ROBO1: variants seen among roughly 807,000 people sequenced by gnomAD.
The protein encoded by ROBO1 is roundabout homolog 1.
In ROBO1, 149 loss-of-function variants were observed where a neutral mutation model predicts 195.9. The ratio of observed to expected loss-of-function variants is 0.76; its 90% CI spans 0.67 to 0.87. The LOEUF (loss-of-function observed/expected upper bound fraction) is 0.87, where lower values mean the gene tolerates loss of function less well. Among genes scored for constraint, ROBO1 ranks in the 40% least tolerant of loss-of-function variants. The pLI is 0.00. For missense variants in ROBO1, 1,933 were observed against 2,068.3 expected (o/e 0.93, Z 1.27); for synonymous variants, 816 against 733.2 (o/e 1.11, Z -1.82).
chr3:78,767,700 G>A (rs1406693585), intron 4 of ROBO1, among the ~76,000 whole-genome samples: 1 of 152,094 alleles, frequency 6.6e-6, no homozygotes, highest in Non-Finnish European at 1.5e-5. Flanking sequence ...AGGTTTTCTA[G>A]TTTATGTGTG....
intron 4 of ROBO1, among the ~76,000 whole-genome samples, chr3:78,782,060 T>C (rs1390339443): frequency 6.6e-6 from 1 of 152,182 alleles, no homozygotes; most frequent in Non-Finnish European, 1.5e-5. Context: ...CAAGTAATTA[T>C]TCTACTGTAG....
At chr3:79,510,011 AAACC>A (rs541793004) in intron 2 of ROBO1, among the ~76,000 whole-genome samples, 24 of 152,104 alleles carry the variant, frequency 1.6e-4, no homozygotes, top group Non-Finnish European at 3.2e-4. Context: ...CACAAAAAAA[AAACC>A]AACCATTCAT....
At chr3:78,696,881 T>C (rs2081309563) in intron 8 of ROBO1, among the ~76,000 whole-genome samples, 1 of 151,912 alleles carries the variant, frequency 6.6e-6, no homozygotes, top group Admixed American at 6.6e-5. Flanking sequence ...TTGAAAAATT[T>C]ATTTTTGCAA....
At chr3:78,724,127 T>A (rs1280707710) in intron 5 of ROBO1, among the ~76,000 whole-genome samples, 2 of 151,962 alleles carry the variant, frequency 1.3e-5, no homozygotes, top group African/African-American at 4.8e-5. Context: ...AACCACAAAG[T>A]AGGGCAAATG....
intron 2 of ROBO1, among the ~76,000 whole-genome samples, chr3:79,271,731 C>T (rs2030576672): frequency 6.6e-6 from 1 of 151,846 alleles, no homozygotes; most frequent in Non-Finnish European, 1.5e-5. Flanking sequence ...TTTTACTATT[C>T]TCCCACTTTC....
At position 79,589,898 on chromosome 3, in the gene ROBO1, T is replaced by C; in HGVS notation, c.14A>G (p.His5Arg). 2 of 1,610,388 alleles carry C rather than the reference T, an allele frequency of 1.2e-6. No homozygotes were observed. Among genetic ancestry groups the C allele is most frequent in the Non-Finnish European group, 1.7e-6 (2 of 1,177,370 alleles). MKWK[H>R]VPFLVMISLL... ...TGATATCATGACCAAAAAAGGAACA[T>C]GTTTCCATTTCATCTTTGTCCCTTC... Residue 5 changes from histidine to arginine, a missense_variant, in exon 2 of 31, where the codon CAT (histidine) becomes CGT (arginine). Coordinates refer to ENST00000464233, the MANE Select transcript of ROBO1 (RefSeq NM_002941.4).
chr3:78,598,816 T>C lies in ROBO1; in HGVS notation c.*97A>G, dbSNP rs1010867050. 5.5e-6 allele frequency: 4 copies of C among 729,574 alleles called. No homozygotes were observed. The highest frequency in any genetic ancestry group is 5.3e-5 in the East Asian group (2 of 37,766). 45.2% of individuals were successfully genotyped at this position (729,574 alleles called of 1,614,324 possible). Reference sequence around the variant, plus strand: ...AAAAACGACAATTTGTACACTCTGATTGCACTGAACATTTTATCTGGCGTC... The same window carrying C: ...AAAAACGACAATTTGTACACTCTGACTGCACTGAACATTTTATCTGGCGTC... On this transcript the variant is annotated 3_prime_UTR_variant, in exon 31 of 31. Transcript: ENST00000464233.
chr3:79,101,857 A>C (rs1258305041), intron 3 of ROBO1, among the ~76,000 whole-genome samples: 1 of 151,936 alleles, frequency 6.6e-6, no homozygotes, highest in Non-Finnish European at 1.5e-5. Context: ...GATGGGATTT[A>C]ATTTTAAAGC....
chr3:78,839,631 T>C (rs1394491060), intron 4 of ROBO1, among the ~76,000 whole-genome samples: 1 of 152,166 alleles, frequency 6.6e-6, no homozygotes, highest in Non-Finnish European at 1.5e-5. Flanking sequence ...AACAAATCCA[T>C]GTTCATCCTA....
chr3:79,575,204 A>G (rs1258234215), intron 2 of ROBO1, among the ~76,000 whole-genome samples: 2 of 123,700 alleles, frequency 1.6e-5, no homozygotes, highest in South Asian at 4.6e-4. Flanking sequence ...AAATATATAT[A>G]TAACAGATAT....
At chr3:79,048,847 A>T (rs1032655385) in intron 3 of ROBO1, among the ~76,000 whole-genome samples, 1 of 152,146 alleles carries the variant, frequency 6.6e-6, no homozygotes, top group African/African-American at 2.4e-5. Flanking sequence ...TACGAATACC[A>T]TAAACATCAA....
At chr3:79,568,866 A>C (rs1456297540) in intron 2 of ROBO1, among the ~76,000 whole-genome samples, 1 of 152,198 alleles carries the variant, frequency 6.6e-6, no homozygotes, top group Non-Finnish European at 1.5e-5. Context: ...GTTTTAAAAA[A>C]TAGGTTCTGC....
chr3:79,236,454 A>G (rs1181219313), intron 2 of ROBO1, among the ~76,000 whole-genome samples: 1 of 152,168 alleles, frequency 6.6e-6, no homozygotes, highest in Non-Finnish European at 1.5e-5. Flanking sequence ...TCACTCTCAT[A>G]TATCATATAT....
intron 3 of ROBO1, among the ~76,000 whole-genome samples, chr3:79,059,447 C>T (rs1256939713): frequency 2.0e-5 from 3 of 151,952 alleles, no homozygotes; most frequent in African/African-American, 7.2e-5. Flanking sequence ...AAGAATCCTG[C>T]ATCAAAATCA....
chr3:79,330,161 G>A (rs1253529881), intron 2 of ROBO1, among the ~76,000 whole-genome samples: 1 of 151,284 alleles, frequency 6.6e-6, no homozygotes, highest in African/African-American at 2.4e-5. Context: ...ATGTGTGTAT[G>A]TGGCAGTGGA....
intron 2 of ROBO1, among the ~76,000 whole-genome samples, chr3:79,485,896 T>C (rs1479303309): frequency 1.3e-5 from 2 of 152,222 alleles, no homozygotes; most frequent in Non-Finnish European, 2.9e-5. Context: ...ATTTTCAGTC[T>C]GTTTCCCATG....
intron 3 of ROBO1, among the ~76,000 whole-genome samples, chr3:79,090,812 T>C (rs2079466106): frequency 1.3e-5 from 2 of 152,160 alleles, no homozygotes; most frequent in African/African-American, 4.8e-5. Flanking sequence ...ACTGATAGTA[T>C]TGGGAGCCAT....
At chr3:79,024,327 GC>G (rs1024799724) in intron 3 of ROBO1, among the ~76,000 whole-genome samples, 1 of 152,150 alleles carries the variant, frequency 6.6e-6, no homozygotes, top group African/African-American at 2.4e-5. Context: ...GAGGGGGTGA[GC>G]TTTTGAAGAT....
rs78370894 is a variant in ROBO1 at position 79,022,935 on chromosome 3, T to C, written c.173-84008A>G. Among the ~76,000 whole-genome samples the C allele has an allele frequency of 2.9e-3, 442 of 152,274 alleles. 2 individuals are homozygous for C. The highest frequency in any genetic ancestry group is 9.3e-3 in the African/African-American group (385 of 41,544). On this transcript the variant is annotated intron_variant, in intron 3 of 30. Coordinates refer to ENST00000464233, the MANE Select transcript of ROBO1 (RefSeq NM_002941.4). ...CTCTTGCGTTGCTCCAATGATTATA[T>C]CTTTCATGGAGGTAGCCACAGGAAC...
Sources: allele counts gnomAD v4.1 joint callset (sites outside exome capture counted in the v4.1 genomes callset), GRCh38; gene constraint gnomAD v4.1.1; transcripts MANE v1.5; gene names NCBI Gene and HGNC (gene_info 2026-07-23, HGNC 2026-07-21).